NRG2: variants seen among roughly 807,000 people sequenced by gnomAD.
NRG2 encodes the protein neuregulin 2.
In NRG2, 27 loss-of-function variants were observed where a neutral mutation model predicts 73.9. That is an observed-to-expected ratio of 0.37 (90% CI 0.27 to 0.50). The LOEUF (loss-of-function observed/expected upper bound fraction) is 0.50, where lower values mean the gene tolerates loss of function less well. NRG2 is among the 20% of genes least tolerant of loss of function. NRG2 has a pLI of 0.96. For missense variants in NRG2, 1,126 were observed against 1,210.1 expected (o/e 0.93, Z 1.03); for synonymous variants, 532 against 541.0 (o/e 0.98, Z 0.23).
At chr5:139,936,691 A>T (rs1403608479) in intron 1 of NRG2, among the ~76,000 whole-genome samples, 4 of 152,238 alleles carry the variant, frequency 2.6e-5, no homozygotes, top group African/African-American at 9.6e-5. Flanking sequence ...AAACTGGACA[A>T]AGACATTATA....
chr5:139,906,297 C>T (rs13153335), intron 1 of NRG2, among the ~76,000 whole-genome samples: 23,854 of 152,078 alleles, frequency 0.16, 1,915 homozygotes, highest in South Asian at 0.25. Context: ...TGAGCCACCG[C>T]GCCCGGCCCA....
intron 1 of NRG2, among the ~76,000 whole-genome samples, chr5:139,961,930 G>C (rs1755096181): frequency 6.6e-6 from 1 of 152,158 alleles, no homozygotes; most frequent in Non-Finnish European, 1.5e-5. Flanking sequence ...TGGGGGCCGA[G>C]GCAGCCCCAT....
chr5:139,874,626 C>T (rs2127083604), intron 3 of NRG2, among the ~76,000 whole-genome samples: 1 of 152,310 alleles, frequency 6.6e-6, no homozygotes. Flanking sequence ...CCTTCATCTC[C>T]TTTACTTTGC....
At chr5:140,028,738 C>G (rs116154140) in intron 1 of NRG2, among the ~76,000 whole-genome samples, 53 of 152,250 alleles carry the variant, frequency 3.5e-4, no homozygotes, top group African/African-American at 1.2e-3. Flanking sequence ...GACCGTCCTT[C>G]CACCAAAAGG....
chr5:139,949,459 TC>T (rs1463221027), intron 1 of NRG2, among the ~76,000 whole-genome samples: 1 of 152,178 alleles, frequency 6.6e-6, no homozygotes, highest in African/African-American at 2.4e-5. Flanking sequence ...CTTTTTTTTT[TC>T]TTATTTCAAA....
chr5:139,984,111 C>A (rs1306283193), intron 1 of NRG2, among the ~76,000 whole-genome samples: 3 of 152,064 alleles, frequency 2.0e-5, no homozygotes, highest in Non-Finnish European at 4.4e-5. Flanking sequence ...TTAATTATAT[C>A]AGCTTTACAT....
intron 4 of NRG2, 117 bp downstream of exon 4, chr5:139,871,604 C>A (rs1341089238): frequency 1.3e-5 from 17 of 1,357,380 alleles, no homozygotes; most frequent in Non-Finnish European, 1.5e-5. Flanking sequence ...CCTGTCTACA[C>A]CCCTTGGGGA....
chr5:139,848,813 G>C, intron 9 of NRG2, 116 bp from the exon 10 acceptor site: 1 of 931,236 alleles, frequency 1.1e-6, no homozygotes, highest in Non-Finnish European at 1.5e-6. Context: ...AACCTTGCCC[G>C]AGACCCCGCC....
chr5:139,866,864 C>G (rs1479796722), intron 4 of NRG2, among the ~76,000 whole-genome samples: 1 of 152,198 alleles, frequency 6.6e-6, no homozygotes, highest in Admixed American at 6.5e-5. Flanking sequence ...AGGACATGCC[C>G]AGCCCTGTAC....
At chr5:140,000,581 G>C (rs1176547280) in intron 1 of NRG2, among the ~76,000 whole-genome samples, 1 of 152,246 alleles carries the variant, frequency 6.6e-6, no homozygotes, top group Admixed American at 6.5e-5. Flanking sequence ...TCTGGGTGAA[G>C]GAACATTGTA....
rs142896170 is a variant in NRG2, at chr5:140,008,974, C to T, written c.700+33396G>A. On this transcript the variant is annotated intron_variant, in intron 1 of 9. Transcript: ENST00000361474. The surrounding 1 kb of genome is among the most constrained non-coding windows in gnomAD (Gnocchi z 4.2). The stretch of plus-strand genomic sequence containing the variant: ...GACTGAGTGAGAGACAAAACAATTA[C>T]ACAGCAAAACAATGACATAGCACTA... 6.1e-3 allele frequency among the ~76,000 whole-genome samples: 928 copies of T among 152,316 alleles called. 5 individuals are homozygous for T. Among genetic ancestry groups the T allele is most frequent in the Middle Eastern group, 0.02 (6 of 294 alleles).
chr5:139,975,076 A>T (rs114849989), intron 1 of NRG2, among the ~76,000 whole-genome samples: 1 of 152,196 alleles, frequency 6.6e-6, no homozygotes, highest in Non-Finnish European at 1.5e-5. Flanking sequence ...TCTACTTGTC[A>T]TGTGTACTAC....
chr5:139,898,509 C>T (rs769314284), intron 1 of NRG2, among the ~76,000 whole-genome samples: 20 of 152,240 alleles, frequency 1.3e-4, no homozygotes, highest in Admixed American at 3.9e-4. Flanking sequence ...CCAGAAGTCA[C>T]AGCCCGTTTG....
At chr5:140,027,476 C>T (rs1047814376) in intron 1 of NRG2, among the ~76,000 whole-genome samples, 46 of 152,176 alleles carry the variant, frequency 3.0e-4, no homozygotes, top group Admixed American at 8.5e-4. Flanking sequence ...CCGGAAAAAC[C>T]ATACACTTTT....
chr5:139,850,650 A>G (rs1363936128), intron 9 of NRG2, among the ~76,000 whole-genome samples: 1 of 152,152 alleles, frequency 6.6e-6, no homozygotes, highest in African/African-American at 2.4e-5. Context: ...TACAGACCCC[A>G]CTTGCTGAGG....
chr5:139,855,489 C>T (rs1367499882), intron 6 of NRG2, among the ~76,000 whole-genome samples, 187 bp downstream of exon 6: 4 of 152,236 alleles, frequency 2.6e-5, no homozygotes, highest in African/African-American at 9.6e-5. Context: ...GACCCTCTGC[C>T]TCTACTTCTT....
chr5:139,940,203 A>T (rs1408265808), intron 1 of NRG2, among the ~76,000 whole-genome samples: 4 of 152,284 alleles, frequency 2.6e-5, no homozygotes, highest in African/African-American at 7.2e-5. Flanking sequence ...CAAATGTCCA[A>T]GATGGGAATG....
chr5:139,989,924 G>T lies in NRG2; in HGVS notation c.700+52446C>A, dbSNP rs1030391026. Among the ~76,000 whole-genome samples, 25 of 151,274 alleles carry T rather than the reference G, an allele frequency of 1.7e-4. 2 individuals carry two copies. Among genetic ancestry groups the T allele is most frequent in the Non-Finnish European group, 3.5e-4 (24 of 67,710 alleles). ...CTGCCTCAGCCTCCCGAGTAGCTGG[G>T]ACTACAGGTGCCCACCACCACGCCC... On this transcript the variant is annotated intron_variant, in intron 1 of 9. Transcript: ENST00000361474.
Position 139,856,105 on chromosome 5 carries a change from G to C in NRG2, c.1190-327C>G. 1 of 353,382 alleles carries C rather than the reference G, an allele frequency of 2.8e-6. No homozygotes were observed. Among genetic ancestry groups the C allele is most frequent in the Non-Finnish European group, 5.4e-6 (1 of 186,140 alleles). 21.9% of individuals were successfully genotyped at this position (353,382 alleles called of 1,614,324 possible). On this transcript the variant is annotated intron_variant, in intron 5 of 9. Coordinates refer to ENST00000361474, the MANE Select transcript of NRG2 (RefSeq NM_004883.3). The surrounding 1 kb of genome is among the most constrained non-coding windows in gnomAD (Gnocchi z 4.2). ...GATGGAGTGGAGGCAAAGCTCCCGA[G>C]GCTGTAGAGCAGGGGAGGACAGCTC...
Sources: gnomAD v4.1 joint callset for allele counts (sites outside exome capture counted in the v4.1 genomes callset) on GRCh38, gnomAD v4.1.1 for gene constraint, Gnocchi (gnomAD v3.1) non-coding constraint, MANE v1.5 for transcripts, NCBI Gene and HGNC (gene_info 2026-07-23, HGNC 2026-07-21) for gene names.